The following ADK variants were observed in gnomAD, a reference collection of about 807,000 sequenced individuals.
ADK encodes N6,N6-dimethyladenosine kinase.
ADK carries 24 observed loss-of-function variants against 44.7 expected under a neutral mutation model. The observed-to-expected ratio is 0.54, with a 90% CI of 0.39 to 0.76. The LOEUF is 0.76. Ranked by LOEUF, ADK falls within the 30% of genes least tolerant of loss-of-function variation. ADK has a pLI of 0.00. For synonymous variants in ADK, 128 were observed against 142.6 expected (o/e 0.90, Z 0.73); for missense variants, 321 against 425.1 (o/e 0.76, Z 2.15).
At chr10:74,599,444 CTTTA>C (rs1852041150) in intron 8 of ADK, among the ~76,000 whole-genome samples, 1 of 152,118 alleles carries the variant, frequency 6.6e-6, no homozygotes, top group African/African-American at 2.4e-5. Context: ...CTTATATATA[CTTTA>C]TTTATGCCAC....
intron 9 of ADK, among the ~76,000 whole-genome samples, chr10:74,607,161 C>G (rs111384243): frequency 0.032 from 4,942 of 152,188 alleles, 280 homozygotes; most frequent in African/African-American, 0.11. Context: ...ATATAGCACA[C>G]CAATGGGCCT....
chr10:74,433,407 C>A (rs1430643898), intron 6 of ADK, among the ~76,000 whole-genome samples: 1 of 152,194 alleles, frequency 6.6e-6, no homozygotes, highest in East Asian at 1.9e-4. Context: ...CTGCTGAGGG[C>A]TGTAGATACT....
chr10:74,436,414 A>C (rs1297129823), intron 6 of ADK, among the ~76,000 whole-genome samples: 2 of 151,928 alleles, frequency 1.3e-5, no homozygotes, highest in Non-Finnish European at 2.9e-5. Context: ...TATATTTACT[A>C]TTCATTAAGT....
intron 5 of ADK, among the ~76,000 whole-genome samples, chr10:74,396,213 C>T (rs1444106969): frequency 1.3e-5 from 2 of 152,110 alleles, no homozygotes. Flanking sequence ...TTGGATAGGT[C>T]CAGTAACCTT....
rs185366729 is a variant in ADK, at chr10:74,311,184, A to T, written c.195-3483A>T. ...GTATATTGGGTAATTTTGTTTACAC[A>T]AAAAGATTACATTGTGCATCAGTTT... is the stretch of plus-strand genomic sequence containing the variant. On this transcript the variant is annotated intron_variant, in intron 3 of 10. Coordinates refer to ENST00000539909, the MANE Select transcript of ADK (RefSeq NM_006721.4). Among the ~76,000 whole-genome samples, 6 of 152,316 alleles carry T rather than the reference A, an allele frequency of 3.9e-5. No individual in the cohort carries two copies. The East Asian group carries it at 1.2e-3, about 29-fold the overall frequency.
At chr10:74,197,466 A>C (rs534480264) in intron 1 of ADK, among the ~76,000 whole-genome samples, 1 of 152,130 alleles carries the variant, frequency 6.6e-6, no homozygotes, top group Non-Finnish European at 1.5e-5. Context: ...TGGGAGGCCC[A>C]AGGCGGGTGG....
chr10:74,569,690 C>G (rs1370523658), intron 7 of ADK, among the ~76,000 whole-genome samples: 1 of 152,078 alleles, frequency 6.6e-6, no homozygotes, highest in Non-Finnish European at 1.5e-5. Flanking sequence ...GTCAGATGAG[C>G]AGATTGCAAA....
intron 1 of ADK, among the ~76,000 whole-genome samples, chr10:74,176,213 T>G (rs920759098): frequency 1.3e-5 from 2 of 152,204 alleles, no homozygotes; most frequent in Non-Finnish European, 2.9e-5. Flanking sequence ...CAGGAACGTT[T>G]GGGACCATCA....
chr10:74,691,753 A>G (rs1437297894), intron 10 of ADK, among the ~76,000 whole-genome samples: 1 of 152,192 alleles, frequency 6.6e-6, no homozygotes, highest in African/African-American at 2.4e-5. Context: ...ATGTAATTTT[A>G]AACAGTTCCT....
rs79521418 is a variant in ADK, at chr10:74,560,470, T to C, written c.727-28812T>C. On this transcript the variant is annotated intron_variant, in intron 7 of 10. Coordinates refer to ENST00000539909, the MANE Select transcript of ADK (RefSeq NM_006721.4). ...CTGTACAATCTAAGAAGAATCTTAT[T>C]TGCAACAATGATGCTTTAGCGTAGC... 2.7e-3 allele frequency among the ~76,000 whole-genome samples: 407 copies of C among 152,326 alleles called. 4 individuals carry two copies. The highest frequency in any genetic ancestry group is 9.3e-3 in the African/African-American group (388 of 41,576).
At position 74,294,703 on chromosome 10, in the gene ADK, G is replaced by A. The variant is rs181728331; in HGVS notation, c.195-19964G>A. 2.0e-5 allele frequency among the ~76,000 whole-genome samples: 3 copies of A among 152,272 alleles called. No homozygotes were observed. The East Asian group carries it at 5.8e-4, about 29-fold the overall frequency. ...GGTAAACTGGCAGTGGTATATCATT[G>A]TAGTTTTAATTGTATTTCCTTGACC... On this transcript the variant is annotated intron_variant, in intron 3 of 10. Transcript: ENST00000539909.
At chr10:74,209,861 G>A (rs1843743320) in intron 2 of ADK, among the ~76,000 whole-genome samples, 2 of 152,134 alleles carry the variant, frequency 1.3e-5, no homozygotes, top group Admixed American at 1.3e-4. Context: ...CTCCAGTTGA[G>A]CCCTGGTCTG....
chr10:74,406,167 G>A (rs1178675959), intron 6 of ADK, among the ~76,000 whole-genome samples: 1 of 152,124 alleles, frequency 6.6e-6, no homozygotes, highest in Non-Finnish European at 1.5e-5. Flanking sequence ...TTGATGTCCA[G>A]TGTATTAAAA....
intron 9 of ADK, among the ~76,000 whole-genome samples, chr10:74,642,541 T>G (rs1214154874): frequency 6.6e-6 from 1 of 151,922 alleles, no homozygotes; most frequent in Non-Finnish European, 1.5e-5. Flanking sequence ...TGAGAACCCC[T>G]CCTCTAATGT....
intron 2 of ADK, among the ~76,000 whole-genome samples, chr10:74,204,721 ATACTT>A (rs1408469943): frequency 3.3e-5 from 5 of 152,146 alleles, no homozygotes; most frequent in South Asian, 4.1e-4. Flanking sequence ...ATAATATACT[ATACTT>A]ACATTTCTTA....
intron 4 of ADK, among the ~76,000 whole-genome samples, chr10:74,376,479 AT>A (rs1842822966): frequency 6.6e-6 from 1 of 152,090 alleles, no homozygotes; most frequent in African/African-American, 2.4e-5. Context: ...AGCTTCAGTA[AT>A]TATTTACATT....
chr10:74,240,560 T>A (rs1845172477), intron 3 of ADK, among the ~76,000 whole-genome samples: 3 of 152,170 alleles, frequency 2.0e-5, no homozygotes, highest in Non-Finnish European at 4.4e-5. Context: ...GGAAACTTCA[T>A]CAAATACTTG....
At chr10:74,151,408 G>T (rs985067794) in intron 1 of ADK, 65 bp downstream of exon 1, 1 of 1,511,892 alleles carries the variant, frequency 6.6e-7, no homozygotes, top group Non-Finnish European at 9.0e-7. Flanking sequence ...CCCACGTGGG[G>T]TTGCACGGCC....
intron 6 of ADK, among the ~76,000 whole-genome samples, chr10:74,420,246 G>C (rs561602148): frequency 6.6e-6 from 1 of 152,094 alleles, no homozygotes; most frequent in South Asian, 2.1e-4. Flanking sequence ...TCGTACTCTG[G>C]TGGTTGGGGT....
Sources: gnomAD v4.1 joint callset for allele counts (sites outside exome capture counted in the v4.1 genomes callset) on GRCh38, gnomAD v4.1.1 for gene constraint, MANE v1.5 for transcripts, NCBI Gene and HGNC (gene_info 2026-07-23, HGNC 2026-07-21) for gene names.